The following LHFPL3 variants were observed in gnomAD, a reference collection of about 807,000 sequenced individuals.
The protein encoded by LHFPL3 is LHFPL tetraspan subfamily member 3 protein.
In LHFPL3, 5 loss-of-function variants were observed where a neutral mutation model predicts 19.3. The observed-to-expected ratio is 0.26, with a 90% CI of 0.14 to 0.54. LHFPL3 has a LOEUF of 0.54. Among genes scored for constraint, LHFPL3 ranks in the 20% least tolerant of loss-of-function variants. The pLI, the probability that LHFPL3 is intolerant of heterozygous loss-of-function variation, is 0.94. For synonymous variants in LHFPL3, 133 were observed against 126.2 expected (o/e 1.05, Z -0.36); for missense variants, 249 against 307.4 (o/e 0.81, Z 1.42).
At chr7:104,806,161 G>A (rs1190222448) in intron 2 of LHFPL3, among the ~76,000 whole-genome samples, 1 of 152,200 alleles carries the variant, frequency 6.6e-6, no homozygotes, top group Non-Finnish European at 1.5e-5. Context: ...AACAAGATTG[G>A]AGGGAAGCTC....
intron 1 of LHFPL3, among the ~76,000 whole-genome samples, chr7:104,448,400 T>C (rs577607384): frequency 1.7e-4 from 26 of 152,306 alleles, no homozygotes; most frequent in Non-Finnish European, 3.5e-4. Flanking sequence ...GAAGACCCTA[T>C]AATTACCCAG....
chr7:104,823,126 C>T (rs151276808), intron 2 of LHFPL3, among the ~76,000 whole-genome samples: 22 of 152,048 alleles, frequency 1.4e-4, no homozygotes, highest in South Asian at 8.3e-4. Flanking sequence ...AGGGAAGGCC[C>T]GAGAATGAAA....
At chr7:104,555,591 C>T (rs1212725145) in intron 1 of LHFPL3, among the ~76,000 whole-genome samples, 1 of 152,190 alleles carries the variant, frequency 6.6e-6, no homozygotes, top group Non-Finnish European at 1.5e-5. Context: ...GGGTTCCTCC[C>T]ACAACATGTG....
intron 1 of LHFPL3, among the ~76,000 whole-genome samples, chr7:104,657,340 A>G (rs1792139170): frequency 6.6e-6 from 1 of 152,264 alleles, no homozygotes; most frequent in African/African-American, 2.4e-5. Flanking sequence ...CAGTAGTATC[A>G]GCTATTCTGA....
intron 1 of LHFPL3, among the ~76,000 whole-genome samples, chr7:104,377,915 A>G (rs2116445498): frequency 6.6e-6 from 1 of 152,346 alleles, no homozygotes; most frequent in South Asian, 2.1e-4. Context: ...ATTATTGTAC[A>G]AATTCTACCT....
chr7:104,645,876 G>A (rs1424731410), intron 1 of LHFPL3, among the ~76,000 whole-genome samples: 2 of 151,856 alleles, frequency 1.3e-5, no homozygotes, highest in Admixed American at 6.6e-5. Flanking sequence ...TAGCCAGGAT[G>A]GTCTCGATCT....
chr7:104,752,011 G>A (rs1056476253), intron 2 of LHFPL3, among the ~76,000 whole-genome samples: 1 of 152,124 alleles, frequency 6.6e-6, no homozygotes, highest in African/African-American at 2.4e-5. Flanking sequence ...AACTTTCTGG[G>A]GGTGGCCGAT....
intron 1 of LHFPL3, among the ~76,000 whole-genome samples, chr7:104,614,466 C>T (rs1170168651): frequency 6.6e-6 from 1 of 152,084 alleles, no homozygotes; most frequent in African/African-American, 2.4e-5. Flanking sequence ...AGAGAACTGG[C>T]ACCTGGTAAA....
chr7:104,581,911 G>A (rs1026927279), intron 1 of LHFPL3, among the ~76,000 whole-genome samples: 5 of 151,888 alleles, frequency 3.3e-5, no homozygotes, highest in Non-Finnish European at 5.9e-5. Flanking sequence ...TTAAATTCAA[G>A]TACTGAAGTC....
chr7:104,668,440 A>G, intron 1 of LHFPL3: 1 of 1,609,300 alleles, frequency 6.2e-7, no homozygotes, highest in Admixed American at 1.7e-5. Flanking sequence ...TATGATTCAG[A>G]CCGGTATCGG....
chr7:104,577,951 C>T (rs1304459181), intron 1 of LHFPL3, among the ~76,000 whole-genome samples: 1 of 152,184 alleles, frequency 6.6e-6, no homozygotes, highest in Non-Finnish European at 1.5e-5. Context: ...GGATCTGTTT[C>T]TCCACGGAAG....
At chr7:104,471,943 C>A (rs768627123) in intron 1 of LHFPL3, among the ~76,000 whole-genome samples, 2 of 151,990 alleles carry the variant, frequency 1.3e-5, no homozygotes, top group African/African-American at 4.8e-5. Flanking sequence ...TTCAGGAGGC[C>A]GAGGCAGGAG....
At chr7:104,669,538 G>A in intron 1 of LHFPL3, 8 of 1,611,740 alleles carry the variant, frequency 5.0e-6, no homozygotes, top group Non-Finnish European at 6.8e-6. Flanking sequence ...CTCTGTTGAT[G>A]GTGAAGATGA....
chr7:104,629,090 G>C (rs550567438), intron 1 of LHFPL3, among the ~76,000 whole-genome samples: 2 of 152,220 alleles, frequency 1.3e-5, no homozygotes, highest in East Asian at 3.9e-4. Flanking sequence ...ACTACAATAT[G>C]ACTATTTAAG....
At chr7:104,610,154 T>G (rs1161596879) in intron 1 of LHFPL3, among the ~76,000 whole-genome samples, 2 of 152,188 alleles carry the variant, frequency 1.3e-5, no homozygotes, top group Non-Finnish European at 2.9e-5. Context: ...AGTCAAAACT[T>G]TGGAGTAAAT....
At chr7:104,664,539 C>G (rs1201776694) in intron 1 of LHFPL3, among the ~76,000 whole-genome samples, 1 of 152,168 alleles carries the variant, frequency 6.6e-6, no homozygotes, top group Non-Finnish European at 1.5e-5. Flanking sequence ...GGTCAGCAAA[C>G]TTTTCCTTTA....
At chr7:104,528,531 A>G (rs76410724) in intron 1 of LHFPL3, among the ~76,000 whole-genome samples, 1 of 152,204 alleles carries the variant, frequency 6.6e-6, no homozygotes, top group African/African-American at 2.4e-5. Context: ...CCTGACATCA[A>G]CAAGGGAAGG....
At chr7:104,868,758 G>T (rs887589917) in intron 2 of LHFPL3, among the ~76,000 whole-genome samples, 1 of 152,092 alleles carries the variant, frequency 6.6e-6, no homozygotes, top group Admixed American at 6.6e-5. Context: ...AAAAGAGCCC[G>T]CATTGCCAAG....
At chr7:104,343,172 C>T (rs1172583671) in intron 1 of LHFPL3, among the ~76,000 whole-genome samples, 1 of 151,764 alleles carries the variant, frequency 6.6e-6, no homozygotes, top group Non-Finnish European at 1.5e-5. Context: ...GAAATTTTTC[C>T]CCAAATGTGT....
Sources: gnomAD v4.1 joint callset for allele counts (sites outside exome capture counted in the v4.1 genomes callset) on GRCh38, gnomAD v4.1.1 for gene constraint, MANE v1.5 for transcripts, NCBI Gene and HGNC (gene_info 2026-07-23, HGNC 2026-07-21) for gene names.